The following RTF1 variants were observed in gnomAD, a reference collection of about 807,000 sequenced individuals.
RTF1 encodes the protein RNA polymerase-associated protein RTF1 homolog.
A neutral mutation model predicts 95.7 loss-of-function variants in RTF1; 10 were observed. The observed-to-expected ratio is 0.10, with a 90% CI of 0.06 to 0.18. The LOEUF is 0.18. Among genes scored for constraint, RTF1 ranks in the 10% least tolerant of loss-of-function variants. RTF1 has a pLI of 1.00. For missense variants in RTF1, 458 were observed against 875.6 expected (o/e 0.52, Z 6.02); for synonymous variants, 305 against 311.8 (o/e 0.98, Z 0.23).
chr15:41,429,075 C>T (rs1186156826), intron 1 of RTF1, among the ~76,000 whole-genome samples: 3 of 152,040 alleles, frequency 2.0e-5, no homozygotes, highest in African/African-American at 7.2e-5. Flanking sequence ...GAGACAGGGT[C>T]TCCCTGTGTT....
At chr15:41,470,910 G>C (rs996536206) in intron 7 of RTF1, among the ~76,000 whole-genome samples, 2 of 151,774 alleles carry the variant, frequency 1.3e-5, no homozygotes, top group Admixed American at 1.3e-4. Context: ...CGCCCGCCTC[G>C]GCCTCCCAAA....
At chr15:41,445,575 G>T (rs888516359) in intron 2 of RTF1, among the ~76,000 whole-genome samples, 10 of 152,084 alleles carry the variant, frequency 6.6e-5, no homozygotes, top group Non-Finnish European at 1.2e-4. Context: ...AAATACAATA[G>T]TGTCTTTTGT....
intron 6 of RTF1, among the ~76,000 whole-genome samples, chr15:41,466,676 T>C (rs1479860047): frequency 6.6e-6 from 1 of 152,256 alleles, no homozygotes; most frequent in East Asian, 1.9e-4. Context: ...TCTATTTGTT[T>C]TGTAATTTAA....
chr15:41,464,591 ATT>A (rs2050871017), intron 4 of RTF1, among the ~76,000 whole-genome samples, 178 bp from the exon 5 acceptor site: 1 of 152,092 alleles, frequency 6.6e-6, no homozygotes, highest in South Asian at 2.1e-4. Flanking sequence ...AATATTTTAT[ATT>A]TTGTTGTAAT....
chr15:41,417,870 T>A (rs999698825), intron 1 of RTF1, among the ~76,000 whole-genome samples: 2 of 151,744 alleles, frequency 1.3e-5, no homozygotes, highest in Admixed American at 1.3e-4. Context: ...TGGGCACGAG[T>A]TTATTTGGCG....
chr15:41,466,391 A>G (rs1595437710), intron 6 of RTF1, 139 bp downstream of exon 6: 2 of 489,372 alleles, frequency 4.1e-6, no homozygotes, highest in Admixed American at 4.0e-5. Flanking sequence ...ACATCCACAA[A>G]CCCATCATCC....
At position 41,476,518 on chromosome 15, in the gene RTF1, G is replaced by A; in HGVS notation, c.1555G>A (p.Glu519Lys). The change falls in exon 12 of 18, where the codon GAA (glutamate) becomes AAA (lysine). Residue 519 changes from glutamate to lysine, a missense_variant. Glu to Lys is a moderately conservative substitution (Grantham distance 56). Around this residue, in one of 11 missense-constraint regions of RTF1, gnomAD observed 150 missense variants for 275.7 expected, o/e 0.54. Transcript: ENST00000389629. ...YAMKKTQLLK[E>K]KAMAEDLGDQ... Reference sequence around the variant, plus strand: ...TATGAAGAAGACTCAGCTACTGAAGGAAAAGGTAAGGAGTTGTACTCGAGC... The same window carrying A: ...TATGAAGAAGACTCAGCTACTGAAGAAAAAGGTAAGGAGTTGTACTCGAGC... 6.2e-7 allele frequency: 1 copy of A among 1,612,962 alleles called. No individual in the cohort carries two copies. The highest frequency in any genetic ancestry group is 1.3e-5 in the African/African-American group (1 of 75,038).
Position 41,481,602 on chromosome 15 carries a change from G to A in RTF1, c.*915G>A, listed in dbSNP as rs1362021799. 1 of 152,484 alleles carries A rather than the reference G, an allele frequency of 6.6e-6. No homozygotes were observed. The highest frequency in any genetic ancestry group is 1.5e-5 in the Non-Finnish European group (1 of 68,064). The allele number at this position is 152,484 out of a possible 1,614,324, so 9.4% of individuals were successfully genotyped here. On this transcript the variant is annotated 3_prime_UTR_variant, in exon 18 of 18. Transcript: ENST00000389629. ...GAAGCCCATGGCCAGGTACCAGGGA[G>A]GGCAGTGAATGTCTTGCTCTTCCCA...
At chr15:41,441,129 T>G (rs925136083) in intron 2 of RTF1, among the ~76,000 whole-genome samples, 40 of 151,530 alleles carry the variant, frequency 2.6e-4, no homozygotes, top group African/African-American at 8.7e-4. Context: ...CTGCCACCAC[T>G]CCTGGCTAAT....
At chr15:41,462,907 C>T (rs2050858464) in intron 4 of RTF1, among the ~76,000 whole-genome samples, 1 of 152,118 alleles carries the variant, frequency 6.6e-6, no homozygotes, top group African/African-American at 2.4e-5. Context: ...AGGCGTGTGC[C>T]ACCACCTGGC....
intron 2 of RTF1, among the ~76,000 whole-genome samples, chr15:41,443,995 G>C (rs541033058): frequency 7.9e-5 from 12 of 151,904 alleles, no homozygotes; most frequent in African/African-American, 2.7e-4. Flanking sequence ...GTGAACCCGG[G>C]GGGCAGAGCT....
At chr15:41,455,355 T>C (rs1357375548) in intron 3 of RTF1, among the ~76,000 whole-genome samples, 1 of 151,800 alleles carries the variant, frequency 6.6e-6, no homozygotes, top group Non-Finnish European at 1.5e-5. Flanking sequence ...CCATGGGATA[T>C]TAGCCACAAA....
intron 8 of RTF1, among the ~76,000 whole-genome samples, chr15:41,474,267 T>C (rs2050931035): frequency 6.6e-6 from 1 of 152,214 alleles, no homozygotes; most frequent in Non-Finnish European, 1.5e-5. Flanking sequence ...TATCCTGAAA[T>C]GCTTGGCAAC....
intron 1 of RTF1, among the ~76,000 whole-genome samples, chr15:41,430,984 C>T (rs1038553616): frequency 6.6e-6 from 1 of 151,674 alleles, no homozygotes; most frequent in African/African-American, 2.4e-5. Flanking sequence ...CTCACTGCAA[C>T]CTCCACCTCC....
At chr15:41,444,491 C>T (rs1372026632) in intron 2 of RTF1, among the ~76,000 whole-genome samples, 1 of 151,976 alleles carries the variant, frequency 6.6e-6, no homozygotes, top group African/African-American at 2.4e-5. Flanking sequence ...GATGGGGTTT[C>T]ACCGTGTTAC....
intron 1 of RTF1, among the ~76,000 whole-genome samples, chr15:41,418,100 T>C (rs2050581086): frequency 6.6e-6 from 1 of 152,194 alleles, no homozygotes; most frequent in South Asian, 2.1e-4. Flanking sequence ...AAAGTAACTT[T>C]TGGCCTCAGT....
At chr15:41,427,678 A>AAAT (rs905193275) in intron 1 of RTF1, among the ~76,000 whole-genome samples, 1 of 152,180 alleles carries the variant, frequency 6.6e-6, no homozygotes, top group African/African-American at 2.4e-5. Context: ...ACCCTGACTC[A>AAAT]AATAATAATA....
At chr15:41,460,493 T>C (rs1221855186) in intron 4 of RTF1, among the ~76,000 whole-genome samples, 1 of 152,174 alleles carries the variant, frequency 6.6e-6, no homozygotes, top group Non-Finnish European at 1.5e-5. Context: ...TAATAAACTG[T>C]GCTGGAGTTA....
chr15:41,427,709 G>A (rs756056168), intron 1 of RTF1, among the ~76,000 whole-genome samples: 4 of 152,084 alleles, frequency 2.6e-5, no homozygotes, highest in East Asian at 1.9e-4. Flanking sequence ...TAATTATGCC[G>A]ATGCTCGCCT....
Sources: gnomAD v4.1 joint callset for allele counts (sites outside exome capture counted in the v4.1 genomes callset) on GRCh38, gnomAD v4.1.1 for gene constraint, gnomAD v4.1.1 regional missense constraint, MANE v1.5 for transcripts, NCBI Gene and HGNC (gene_info 2026-07-23, HGNC 2026-07-21) for gene names.